NECTIN4: variants seen among roughly 807,000 people sequenced by gnomAD.
The protein encoded by NECTIN4 is nectin cell adhesion molecule 4, also known as nectin-4.
A neutral mutation model predicts 51.7 loss-of-function variants in NECTIN4; 19 were observed. The ratio of observed to expected loss-of-function variants is 0.37; its 90% CI spans 0.26 to 0.54. The LOEUF is 0.54. Among genes scored for constraint, NECTIN4 ranks in the 20% least tolerant of loss-of-function variants. The pLI, the probability that NECTIN4 is intolerant of heterozygous loss-of-function variation, is 0.86. For synonymous variants in NECTIN4, 283 were observed against 286.9 expected, an observed-to-expected ratio of 0.99 and a Z score of 0.14; for missense variants, 619 against 662.4, an observed-to-expected ratio of 0.93 and a Z score of 0.72.
intron 2 of NECTIN4, among the ~76,000 whole-genome samples, chr1:161,078,740 G>A (rs997602024): frequency 1.7e-4 from 26 of 152,096 alleles, no homozygotes; most frequent in Non-Finnish European, 5.9e-5. Context: ...GGCTGGGCGC[G>A]GTGGCTCACG....
chr1:161,088,901 C>T (rs1247292977), intron 1 of NECTIN4, among the ~76,000 whole-genome samples: 1 of 151,280 alleles, frequency 6.6e-6, no homozygotes, highest in South Asian at 2.1e-4. Context: ...TCCCACCTGC[C>T]TGCCCATCTA....
At chr1:161,074,883 A>T (rs974130376) in intron 4 of NECTIN4, 124 bp from the exon 5 acceptor site, 3 of 1,045,634 alleles carry the variant, frequency 2.9e-6, no homozygotes, top group Non-Finnish European at 4.2e-6. Context: ...GGCTGTTCCC[A>T]CGGTGCCCCT....
chr1:161,073,218 G>C lies in NECTIN4; in HGVS notation c.1308+7C>G. ...GGTGGGGACACCGGTGGGGCCGGGG[G>C]CCTCACCATCACAGAGCAGCTACTG... is the stretch of plus-strand genomic sequence containing the variant. On this transcript the variant is annotated splice_region_variant and intron_variant, in intron 8 of 8. Transcript: ENST00000368012. 2 of 1,613,026 alleles carry C rather than the reference G, an allele frequency of 1.2e-6. No homozygotes were observed. Among genetic ancestry groups the C allele is most frequent in the Non-Finnish European group, 1.7e-6 (2 of 1,179,014 alleles).
At chr1:161,075,967 T>G (rs1653397692) in intron 4 of NECTIN4, among the ~76,000 whole-genome samples, 1 of 151,904 alleles carries the variant, frequency 6.6e-6, no homozygotes, top group African/African-American at 2.4e-5. Flanking sequence ...TCCCAGCTAC[T>G]CAGGAGGCTG....
chr1:161,080,580 G>A (rs917248636), intron 1 of NECTIN4, among the ~76,000 whole-genome samples: 1 of 152,124 alleles, frequency 6.6e-6, no homozygotes, highest in Non-Finnish European at 1.5e-5. Context: ...TTCCATGTGG[G>A]AGGAAAGGCA....
Position 161,079,857 on chromosome 1 carries a change from A to C in NECTIN4, c.172T>G (p.Ser58Ala). The C allele has an allele frequency of 6.2e-6, 10 of 1,613,902 alleles. No individual in the cohort carries two copies. Among genetic ancestry groups the C allele is most frequent in the Non-Finnish European group, 8.5e-6 (10 of 1,180,000 alleles). ...GCCACTTGCCCCACTTGCTCGCCGGAGTCCCCTCGGTAGAAGCAGGGCAGT... is the reference window on the plus strand; with the variant it reads ...GCCACTTGCCCCACTTGCTCGCCGGCGTCCCCTCGGTAGAAGCAGGGCAGT... ...AKLPCFYRGD[S>A]GEQVGQVAWA... Residue 58 changes from serine to alanine, a missense_variant, in exon 2 of 9, where the codon TCC becomes GCC. Coordinates refer to ENST00000368012, the MANE Select transcript of NECTIN4 (RefSeq NM_030916.3).
intron 1 of NECTIN4, among the ~76,000 whole-genome samples, chr1:161,081,907 C>T (rs1653695709): frequency 6.6e-6 from 1 of 151,596 alleles, no homozygotes; most frequent in African/African-American, 2.4e-5. Flanking sequence ...CTGGGCCTCA[C>T]ATCACCATTG....
intron 3 of NECTIN4, among the ~76,000 whole-genome samples, chr1:161,077,219 C>T (rs1653448326): frequency 2.0e-5 from 3 of 152,188 alleles, no homozygotes; most frequent in African/African-American, 7.2e-5. Flanking sequence ...CTCCCAACAA[C>T]CCTGTGAAAC....
At chr1:161,073,606 G>A in intron 7 of NECTIN4, 114 bp downstream of exon 7, 1 of 1,002,330 alleles carries the variant, frequency 1.0e-6, no homozygotes. Flanking sequence ...CCAGCTGTGA[G>A]TCAGTGGCTG....
intron 7 of NECTIN4, among the ~76,000 whole-genome samples, chr1:161,073,512 T>C (rs543479073): frequency 6.6e-6 from 1 of 152,354 alleles, no homozygotes; most frequent in Admixed American, 6.5e-5. Context: ...GAAAAGGCCC[T>C]AGGCCAATGC....
Position 161,087,953 on chromosome 1 carries a change from T to C in NECTIN4, c.79+1265A>G, listed in dbSNP as rs190379727. Among the ~76,000 whole-genome samples the C allele has an allele frequency of 2.1e-4, 32 of 152,306 alleles. No individual in the cohort carries two copies. The East Asian group carries it at 5.4e-3, about 26-fold the overall frequency. On this transcript the variant is annotated intron_variant, in intron 1 of 8. Transcript: ENST00000368012. ...GTAGATCCCACAGGAAAGTGACTGC[T>C]GGTTCCCCAACTCCAGCAACTAGGC...
At position 161,073,715 on chromosome 1, in the gene NECTIN4, C is replaced by T; in HGVS notation, c.1233+5G>A. 5.6e-6 allele frequency: 9 copies of T among 1,613,860 alleles called. No homozygotes were observed. Among genetic ancestry groups the T allele is most frequent in the Non-Finnish European group, 6.8e-6 (8 of 1,179,706 alleles). ...TGCATGCATACACCCAACCTTGGCA[C>T]ACACCTGGCTCCTGGGGTCCGTGTG... On this transcript the variant is annotated splice_donor_5th_base_variant and intron_variant, in intron 7 of 8. Coordinates refer to ENST00000368012, the MANE Select transcript of NECTIN4 (RefSeq NM_030916.3).
chr1:161,074,577 G>A (rs770700910), intron 5 of NECTIN4, 34 bp downstream of exon 5: 2 of 1,613,692 alleles, frequency 1.2e-6, no homozygotes, highest in Admixed American at 3.3e-5. Context: ...CCTTGGCCCA[G>A]GTCCTTACCA....
chr1:161,078,688 C>T (rs1653526089), intron 2 of NECTIN4, among the ~76,000 whole-genome samples: 1 of 152,140 alleles, frequency 6.6e-6, no homozygotes, highest in South Asian at 2.1e-4. Flanking sequence ...GAGTTCACCA[C>T]AAGTGCCCAC....
At chr1:161,086,319 T>A (rs1160305659) in intron 1 of NECTIN4, among the ~76,000 whole-genome samples, 6 of 152,094 alleles carry the variant, frequency 3.9e-5, no homozygotes, top group Admixed American at 1.3e-4. Flanking sequence ...GTCACTGGGG[T>A]CACAGGGCTT....
At chr1:161,073,343 C>T in intron 7 of NECTIN4, 44 bp from the exon 8 acceptor site, 1 of 1,548,372 alleles carries the variant, frequency 6.5e-7, no homozygotes, top group South Asian at 1.1e-5. Context: ...GGCTCAGCCT[C>T]CTCCCCTCAG....
rs556101874 is a variant in NECTIN4, at chr1:161,079,774, T to G, written c.255A>C (p.Lys85Asn). 1.7e-5 allele frequency: 27 copies of G among 1,612,878 alleles called. No individual in the cohort carries two copies. The East Asian group carries it at 4.9e-4, about 29-fold the overall frequency. ...GAQELALLHS[K>N]YGLHVSPAYE... The stretch of plus-strand genomic sequence containing the variant: ...AAGCCGGGCTCACATGAAGCCCGTA[T>G]TTGGAGTGCAGTAGCGCTAGTTCCT... Residue 85 changes from lysine (K) to asparagine (N), a missense_variant, in exon 2 of 9, where the codon AAA becomes AAC. Lys to Asn is a moderately conservative substitution (Grantham distance 94). This residue lies in a region of NECTIN4 where 218 missense variants were observed against 186.3 expected (regional missense o/e 1.17). Coordinates refer to ENST00000368012, the MANE Select transcript of NECTIN4 (RefSeq NM_030916.3).
rs773083890 is a variant in NECTIN4, at chr1:161,074,376, G to T, written c.1001-3C>A. 7 of 1,613,844 alleles carry T rather than the reference G, an allele frequency of 4.3e-6. 1 individual carries two copies. The South Asian group carries it at 7.7e-5, about 18-fold the overall frequency. On this transcript the variant is annotated splice_region_variant and splice_polypyrimidine_tract_variant and intron_variant, in intron 5 of 8. Coordinates refer to ENST00000368012, the MANE Select transcript of NECTIN4 (RefSeq NM_030916.3). The stretch of plus-strand genomic sequence containing the variant: ...CTTCCCAGAGTCTTCCTGGGGGTCT[G>T]CTGGAGACAGGCCACTGTCTGAGGT...
At chr1:161,086,935 C>T (rs898554166) in intron 1 of NECTIN4, 16 of 153,678 alleles carry the variant, frequency 1.0e-4, no homozygotes, top group Admixed American at 3.9e-4. Flanking sequence ...CACCCCAGCA[C>T]CCCACTTCAG....
Sources: gnomAD v4.1 joint callset for allele counts (sites outside exome capture counted in the v4.1 genomes callset) on GRCh38, gnomAD v4.1.1 for gene constraint, gnomAD v4.1.1 regional missense constraint, MANE v1.5 for transcripts, NCBI Gene and HGNC (gene_info 2026-07-23, HGNC 2026-07-21) for gene names.